SGCZ: variants seen among roughly 807,000 people sequenced by gnomAD.
SGCZ encodes zeta-sarcoglycan.
Under a neutral mutation model 41.3 loss-of-function variants are expected in SGCZ, and 40 were observed. That is an observed-to-expected ratio of 0.97 (90% confidence interval 0.75 to 1.26). The LOEUF is 1.26. SGCZ is among the 50% of genes most tolerant of loss of function. SGCZ has a pLI of 0.00. For missense variants in SGCZ, 552 were observed against 369.8 expected (o/e 1.49, Z -4.04); for synonymous variants, 206 against 137.5 (o/e 1.50, Z -3.49).
intron 5 of SGCZ, among the ~76,000 whole-genome samples, chr8:14,122,103 C>T (rs1802714205): frequency 2.0e-5 from 3 of 152,116 alleles, no homozygotes; most frequent in Admixed American, 1.3e-4. Context: ...TGGTGAAACC[C>T]GGTCTCTACT....
chr8:15,126,987 C>A (rs1427512184), intron 1 of SGCZ, among the ~76,000 whole-genome samples: 1 of 152,164 alleles, frequency 6.6e-6, no homozygotes, highest in Non-Finnish European at 1.5e-5. Flanking sequence ...GACGTCCATG[C>A]ACGTGTCTAG....
At chr8:14,533,320 G>A (rs923135544) in intron 2 of SGCZ, among the ~76,000 whole-genome samples, 4 of 150,048 alleles carry the variant, frequency 2.7e-5, no homozygotes, top group African/African-American at 9.8e-5. Flanking sequence ...TTACATTTTT[G>A]TATTAGCAAC....
chr8:14,819,608 T>C (rs1204551691), intron 1 of SGCZ, among the ~76,000 whole-genome samples: 1 of 152,126 alleles, frequency 6.6e-6, no homozygotes, highest in Non-Finnish European at 1.5e-5. Context: ...AATGGTGCAG[T>C]GTAAATCTTT....
chr8:14,798,848 A>T (rs1337481521), intron 1 of SGCZ, among the ~76,000 whole-genome samples: 1 of 152,010 alleles, frequency 6.6e-6, no homozygotes, highest in Non-Finnish European at 1.5e-5. Flanking sequence ...TATTAAAGCC[A>T]CCTGAAATGT....
At chr8:14,853,501 A>T (rs1419085595) in intron 1 of SGCZ, 1 of 532,828 alleles carries the variant, frequency 1.9e-6, no homozygotes, top group Non-Finnish European at 3.9e-6. Flanking sequence ...TCACCTTCTG[A>T]TCTGAGGAGC....
intron 3 of SGCZ, among the ~76,000 whole-genome samples, chr8:14,259,629 G>A (rs1412903066): frequency 2.3e-5 from 3 of 132,470 alleles, no homozygotes; most frequent in South Asian, 2.3e-4. Flanking sequence ...GTAGATATGC[G>A]GCGTTATTTC....
chr8:14,548,430 T>C (rs1365234263), intron 2 of SGCZ, among the ~76,000 whole-genome samples: 2 of 152,212 alleles, frequency 1.3e-5, no homozygotes, highest in South Asian at 4.1e-4. Context: ...GAATTCATTT[T>C]ATGTTCTTAA....
At chr8:15,066,944 T>C (rs977373781) in intron 1 of SGCZ, among the ~76,000 whole-genome samples, 12 of 152,208 alleles carry the variant, frequency 7.9e-5, no homozygotes, top group African/African-American at 2.9e-4. Flanking sequence ...ATACATATCA[T>C]CTGTATTCAC....
chr8:14,690,978 G>T (rs1169831105), intron 1 of SGCZ, among the ~76,000 whole-genome samples: 1 of 152,122 alleles, frequency 6.6e-6, no homozygotes, highest in East Asian at 1.9e-4. Flanking sequence ...ATGTGTCCAG[G>T]TGAACATAAG....
At chr8:14,094,883 C>T (rs1200580365) in intron 7 of SGCZ, among the ~76,000 whole-genome samples, 5 of 152,148 alleles carry the variant, frequency 3.3e-5, no homozygotes, top group African/African-American at 7.2e-5. Context: ...TCTCTAATGA[C>T]CAATGATGAA....
chr8:15,137,847 C>T (rs539574947), intron 1 of SGCZ, among the ~76,000 whole-genome samples: 1 of 152,294 alleles, frequency 6.6e-6, no homozygotes, highest in African/African-American at 2.4e-5. Flanking sequence ...GGGTTGGAGC[C>T]CCCACACAGA....
At chr8:14,349,154 G>A (rs1003371865) in intron 2 of SGCZ, among the ~76,000 whole-genome samples, 10 of 152,070 alleles carry the variant, frequency 6.6e-5, no homozygotes, top group African/African-American at 2.4e-4. Context: ...TCAGTAATAG[G>A]AAACACATCC....
intron 7 of SGCZ, among the ~76,000 whole-genome samples, chr8:14,101,814 T>G (rs1426212064): frequency 6.6e-6 from 1 of 151,830 alleles, no homozygotes; most frequent in Non-Finnish European, 1.5e-5. Context: ...CTTCTCAAAT[T>G]ATATGCATAT....
At chr8:14,564,599 A>T (rs1413868535) in intron 1 of SGCZ, among the ~76,000 whole-genome samples, 2 of 152,208 alleles carry the variant, frequency 1.3e-5, no homozygotes, top group African/African-American at 4.8e-5. Flanking sequence ...ACTCATTTTT[A>T]AAATGTATCG....
chr8:15,161,794 G>A (rs1024754675), intron 1 of SGCZ, among the ~76,000 whole-genome samples: 2 of 152,170 alleles, frequency 1.3e-5, no homozygotes, highest in Admixed American at 1.3e-4. Flanking sequence ...TAGCACTTTG[G>A]AAGGCCAAGA....
chr8:14,983,332 C>T (rs1273071509), intron 1 of SGCZ, among the ~76,000 whole-genome samples: 17 of 151,614 alleles, frequency 1.1e-4, no homozygotes, highest in Admixed American at 4.6e-4. Flanking sequence ...CAGGTGGCTA[C>T]GGCAATTGGC....
chr8:14,176,740 A>C (rs894195324), intron 4 of SGCZ, among the ~76,000 whole-genome samples: 2 of 152,202 alleles, frequency 1.3e-5, no homozygotes, highest in African/African-American at 4.8e-5. Flanking sequence ...GCCTAGGAGC[A>C]GGTGTCAGAC....
At chr8:14,284,045 A>T (rs567516677) in intron 3 of SGCZ, among the ~76,000 whole-genome samples, 15 of 152,256 alleles carry the variant, frequency 9.9e-5, no homozygotes, top group Admixed American at 3.9e-4. Context: ...GAATTGGGCC[A>T]TTTTATCAAT....
At chr8:14,697,187 G>T (rs1439419485) in intron 1 of SGCZ, among the ~76,000 whole-genome samples, 1 of 151,964 alleles carries the variant, frequency 6.6e-6, no homozygotes, top group Admixed American at 6.6e-5. Flanking sequence ...AGTTTTTAGT[G>T]TGGCCAGGTC....
Sources: allele counts gnomAD v4.1 joint callset (sites outside exome capture counted in the v4.1 genomes callset), GRCh38; gene constraint gnomAD v4.1.1; transcripts MANE v1.5; gene names NCBI Gene and HGNC (gene_info 2026-07-23, HGNC 2026-07-21).